XRCC4: variants seen among roughly 807,000 people sequenced by gnomAD.
XRCC4 encodes DNA repair protein XRCC4.
Under a neutral mutation model 39.1 loss-of-function variants are expected in XRCC4, and 28 were observed. That is an observed-to-expected ratio of 0.72 (90% CI 0.53 to 0.98). XRCC4 has a LOEUF of 0.98. Ranked by LOEUF, XRCC4 falls within the 50% of genes least tolerant of loss-of-function variation. The probability of loss-of-function intolerance (pLI) is 0.00; values close to 1 mark genes in which losing one functional copy is unlikely to be tolerated. For synonymous variants in XRCC4, 123 were observed against 126.4 expected (o/e 0.97, Z 0.18); for missense variants, 350 against 376.4 (o/e 0.93, Z 0.58).
chr5:83,157,915 T>G (rs1029672746), intron 3 of XRCC4, among the ~76,000 whole-genome samples: 11 of 152,122 alleles, frequency 7.2e-5, no homozygotes, highest in Non-Finnish European at 1.5e-4. Flanking sequence ...ACTTTGGTTA[T>G]TCAGTTATTG....
chr5:83,190,412 A>G (rs998970106), intron 3 of XRCC4, among the ~76,000 whole-genome samples: 6 of 152,186 alleles, frequency 3.9e-5, no homozygotes, highest in African/African-American at 1.4e-4. Flanking sequence ...TTTTTCTCTG[A>G]TGTGAATAAA....
At chr5:83,098,989 A>G (rs1311057738) in intron 1 of XRCC4, among the ~76,000 whole-genome samples, 1 of 152,072 alleles carries the variant, frequency 6.6e-6, no homozygotes, top group Non-Finnish European at 1.5e-5. Flanking sequence ...AATTTTTATA[A>G]TGTGATAAGA....
chr5:83,308,720 T>A (rs1346666026), intron 7 of XRCC4, among the ~76,000 whole-genome samples: 1 of 152,186 alleles, frequency 6.6e-6, no homozygotes, highest in Non-Finnish European at 1.5e-5. Context: ...TAATTCTAGT[T>A]ATATTTTTAA....
At chr5:83,127,739 G>C (rs372042188) in intron 3 of XRCC4, among the ~76,000 whole-genome samples, 1 of 151,914 alleles carries the variant, frequency 6.6e-6, no homozygotes, top group South Asian at 2.1e-4. Flanking sequence ...TTTTTCTTCT[G>C]TTTGAAGGAC....
chr5:83,099,281 C>T (rs994861536), intron 1 of XRCC4, among the ~76,000 whole-genome samples: 10 of 152,050 alleles, frequency 6.6e-5, no homozygotes, highest in African/African-American at 2.4e-4. Flanking sequence ...GTTTGAACAC[C>T]TGCAGCCCAA....
At chr5:83,202,361 C>T (rs1751240004) in intron 4 of XRCC4, among the ~76,000 whole-genome samples, 1 of 152,154 alleles carries the variant, frequency 6.6e-6, no homozygotes, top group Admixed American at 6.5e-5. Flanking sequence ...TGTCTGCTTT[C>T]GTGGAGTTCA....
chr5:83,346,967 C>T (rs564848850), intron 7 of XRCC4, among the ~76,000 whole-genome samples: 14 of 152,012 alleles, frequency 9.2e-5, no homozygotes, highest in East Asian at 1.9e-4. Context: ...TACCTCTAAG[C>T]GTGATTTCTT....
chr5:83,260,984 C>T (rs1014087627), intron 7 of XRCC4, among the ~76,000 whole-genome samples: 1 of 151,378 alleles, frequency 6.6e-6, no homozygotes, highest in African/African-American at 2.4e-5. Context: ...TGGTTGATAC[C>T]CTACTGTATA....
At position 83,195,863 on chromosome 5, in the gene XRCC4, A is replaced by G. The variant is rs1384832919; in HGVS notation, c.409A>G (p.Asn137Asp). The change falls in exon 4 of 8, where the codon AAT (asparagine) becomes GAT (aspartate). Residue 137 changes from asparagine to aspartate, a missense_variant. Coordinates refer to ENST00000396027, the MANE Select transcript of XRCC4 (RefSeq NM_003401.5). The stretch of plus-strand genomic sequence containing the variant: ...TTATTGCTTGGACACCATTGCAGAA[A>G]ATCAAGCCAAAAATGAGCACCTGCA... ...ICYCLDTIAENQAKNEHLQKE... is the reference protein window; with the variant it reads ...ICYCLDTIAEDQAKNEHLQKE... 1.2e-6 allele frequency: 2 copies of G among 1,612,202 alleles called. No homozygotes were observed. Among genetic ancestry groups the G allele is most frequent in the South Asian group, 1.1e-5 (1 of 90,834 alleles).
At chr5:83,133,596 C>G (rs909572558) in intron 3 of XRCC4, among the ~76,000 whole-genome samples, 6 of 152,176 alleles carry the variant, frequency 3.9e-5, no homozygotes, top group Admixed American at 1.3e-4. Context: ...TGGTGGACGC[C>G]CCTACCCTAG....
chr5:83,246,186 A>G (rs1046746320), intron 6 of XRCC4, among the ~76,000 whole-genome samples: 1 of 152,066 alleles, frequency 6.6e-6, no homozygotes, highest in African/African-American at 2.4e-5. Flanking sequence ...ACAGTAACAA[A>G]AATACACTTT....
intron 1 of XRCC4, among the ~76,000 whole-genome samples, chr5:83,100,726 C>T (rs537470930): frequency 6.6e-6 from 1 of 152,150 alleles, no homozygotes; most frequent in East Asian, 1.9e-4. Flanking sequence ...ACCCCACCCC[C>T]AAAATTGTGG....
chr5:83,150,720 A>G (rs1362703302), intron 3 of XRCC4, among the ~76,000 whole-genome samples: 4 of 152,120 alleles, frequency 2.6e-5, no homozygotes. Context: ...CCTTTTTGAA[A>G]TTTATTCTAT....
At chr5:83,211,527 T>C (rs1561407208) in intron 6 of XRCC4, among the ~76,000 whole-genome samples, 1 of 152,210 alleles carries the variant, frequency 6.6e-6, no homozygotes, top group African/African-American at 2.4e-5. Context: ...AAGCTATTTT[T>C]ACAGTTCTGG....
chr5:83,320,783 A>G (rs1422164040), intron 7 of XRCC4, among the ~76,000 whole-genome samples: 1 of 149,704 alleles, frequency 6.7e-6, no homozygotes, highest in Admixed American at 6.7e-5. Flanking sequence ...AGCAATAAAC[A>G]TTTTGAAATT....
chr5:83,199,217 C>T lies in XRCC4; in HGVS notation c.482+3281C>T, dbSNP rs182758861. Among the ~76,000 whole-genome samples, 9 of 152,248 alleles carry T rather than the reference C, an allele frequency of 5.9e-5. No individual in the cohort carries two copies. In the East Asian group the frequency reaches 1.5e-3, roughly 26 times the overall value. On this transcript the variant is annotated intron_variant, in intron 4 of 7. Coordinates refer to ENST00000396027, the MANE Select transcript of XRCC4 (RefSeq NM_003401.5). ...AGACCTCAAGAGATATCTTCATCTC[C>T]TCTTGATAGCCCGTTACAGTGTTTA...
the XRCC4 span, among the ~76,000 whole-genome samples, chr5:83,367,239 C>G: frequency 6.6e-6 from 1 of 152,158 alleles, no homozygotes; most frequent in Admixed American, 6.6e-5. Context: ...CTAAATCTCA[C>G]TTGAGAGGTT....
At chr5:83,090,477 G>GT (rs1204845282) in intron 1 of XRCC4, among the ~76,000 whole-genome samples, 8 of 152,026 alleles carry the variant, frequency 5.3e-5, no homozygotes, top group East Asian at 3.9e-4. Flanking sequence ...CCATTAAACT[G>GT]TTTTTTTCCA....
intron 1 of XRCC4, among the ~76,000 whole-genome samples, chr5:83,080,497 G>A (rs1008487344): frequency 6.6e-6 from 1 of 150,548 alleles, no homozygotes; most frequent in Non-Finnish European, 1.5e-5. Flanking sequence ...CTGTACTCCT[G>A]CGTGGGCAAC....
Sources: gnomAD v4.1 joint callset for allele counts (sites outside exome capture counted in the v4.1 genomes callset) on GRCh38, gnomAD v4.1.1 for gene constraint, MANE v1.5 for transcripts, NCBI Gene and HGNC (gene_info 2026-07-23, HGNC 2026-07-21) for gene names.